STAG2: variants seen among roughly 807,000 people sequenced by gnomAD.
The protein encoded by STAG2 is cohesin subunit SA-2.
Under a neutral mutation model 108.1 loss-of-function variants are expected in STAG2, and 14 were observed. The ratio of observed to expected loss-of-function variants is 0.13; its 90% CI spans 0.09 to 0.20. The LOEUF (loss-of-function observed/expected upper bound fraction) is 0.20, where lower values mean the gene tolerates loss of function less well. STAG2 is among the 10% of genes least tolerant of loss of function. The pLI, the probability that STAG2 is intolerant of heterozygous loss-of-function variation, is 1.00. For missense variants in STAG2, 440 were observed against 940.9 expected (o/e 0.47, Z 6.96); for synonymous variants, 307 against 302.7 (o/e 1.01, Z -0.15).
intron 1 of STAG2, among the ~76,000 whole-genome samples, chrX:124,016,049 G>A (rs1038035219): frequency 8.9e-6 from 1 of 111,993 alleles, no homozygotes; most frequent in Admixed American, 9.5e-5. Context: ...CAGAGTTTTT[G>A]TACATTTAAT....
chrX:124,026,226 C>T lies in STAG2; in HGVS notation c.123+308C>T, dbSNP rs1288712215. On this transcript the variant is annotated intron_variant, in intron 4 of 34. Coordinates refer to ENST00000371145, the MANE Select transcript of STAG2 (RefSeq NM_001042750.2). ...AGTATGTGAAGCAGAATGCAATGTT[C>T]TGTTGGCTTTATTTTTGTTTTCCCA... is the stretch of plus-strand genomic sequence containing the variant. 2.7e-5 allele frequency among the ~76,000 whole-genome samples: 3 copies of T among 109,273 alleles called. No homozygotes were observed. In the Admixed American group the frequency reaches 3.0e-4, roughly 11 times the overall value. 94.9% of individuals were successfully genotyped at this position (109,273 alleles called of 115,157 possible).
intron 1 of STAG2, among the ~76,000 whole-genome samples, chrX:123,998,704 A>G (rs775702325): frequency 9.0e-6 from 1 of 110,518 alleles, no homozygotes; most frequent in Admixed American, 9.8e-5. Context: ...TACTTCCCTA[A>G]TAATTAGTGA....
At chrX:123,966,500 A>G (rs1295571416) in intron 1 of STAG2, among the ~76,000 whole-genome samples, 2 of 110,598 alleles carry the variant, frequency 1.8e-5, no homozygotes, top group Admixed American at 9.7e-5. Context: ...CATTGGCTAC[A>G]TGTTCAGGAC....
At chrX:124,007,482 C>T (rs753324177) in intron 1 of STAG2, among the ~76,000 whole-genome samples, 2 of 110,887 alleles carry the variant, frequency 1.8e-5, no homozygotes, top group Non-Finnish European at 3.8e-5. Flanking sequence ...TCAGAAATTT[C>T]TGTTTCTATG....
At chrX:123,983,974 C>CTTTTCTTTTTTT (rs1168788249) in intron 1 of STAG2, among the ~76,000 whole-genome samples, 8 of 61,462 alleles carry the variant, frequency 1.3e-4, no homozygotes, top group African/African-American at 6.4e-4. Flanking sequence ...CTTTTCTTTT[C>CTTTTCTTTTTTT]TTTTTTTTTT....
intron 1 of STAG2, among the ~76,000 whole-genome samples, chrX:124,018,716 G>A (rs1302329040): frequency 1.8e-5 from 2 of 110,831 alleles, no homozygotes; most frequent in Non-Finnish European, 3.8e-5. Context: ...GTCCAGGCTG[G>A]TCTCGAACTC....
chrX:124,087,518 T>C (rs970808936), intron 30 of STAG2, among the ~76,000 whole-genome samples: 1 of 111,625 alleles, frequency 9.0e-6, no homozygotes, highest in African/African-American at 3.3e-5. Context: ...CACTTACATA[T>C]CTGATGCTGG....
At chrX:124,096,748 GT>G (rs1157935640) in intron 34 of STAG2, among the ~76,000 whole-genome samples, 1 of 112,038 alleles carries the variant, frequency 8.9e-6, no homozygotes, top group African/African-American at 3.2e-5. Context: ...TCAGGTGACG[GT>G]TATACCATCC....
chrX:124,098,980 T>G (rs1301118168), intron 34 of STAG2, among the ~76,000 whole-genome samples: 1 of 112,100 alleles, frequency 8.9e-6, no homozygotes, highest in Non-Finnish European at 1.9e-5. Context: ...ATATTAAATA[T>G]GTTTAAGTAT....
chrX:124,069,989 A>G (rs2058627124), intron 24 of STAG2, among the ~76,000 whole-genome samples: 1 of 111,458 alleles, frequency 9.0e-6, no homozygotes, highest in Non-Finnish European at 1.9e-5. Flanking sequence ...AATAATCCCT[A>G]TTTTTATAGC....
intron 7 of STAG2, among the ~76,000 whole-genome samples, chrX:124,044,375 A>G (rs1603008550): frequency 8.9e-6 from 1 of 111,894 alleles, no homozygotes; most frequent in East Asian, 2.8e-4. Context: ...ATGAGACGCA[A>G]CTGCACTTAC....
At chrX:123,960,984 G>T (rs1018992496), upstream of STAG2, 2 of 112,302 alleles carry the variant, frequency 1.8e-5, no homozygotes, top group African/African-American at 6.5e-5. Context: ...GAGTTGGGAG[G>T]GAAAGAGGTT....
At chrX:124,017,025 T>C (rs746958553) in intron 1 of STAG2, among the ~76,000 whole-genome samples, 1 of 110,768 alleles carries the variant, frequency 9.0e-6, no homozygotes, top group South Asian at 3.8e-4. Flanking sequence ...TTGCCAGCTT[T>C]TAGCAGTTGA....
chrX:123,972,523 G>A (rs1377857434), intron 1 of STAG2, among the ~76,000 whole-genome samples: 1 of 108,566 alleles, frequency 9.2e-6, no homozygotes, highest in African/African-American at 3.3e-5. Flanking sequence ...CGCCCGCCTC[G>A]GCCTCCCAAA....
intron 18 of STAG2, 29 bp from the exon 19 acceptor site, chrX:124,063,087 A>C (rs2058428555): frequency 8.5e-7 from 1 of 1,181,407 alleles, no homozygotes; most frequent in Non-Finnish European, 1.1e-6. Flanking sequence ...TTATTGTGAT[A>C]TTTTTAACGT....
intron 13 of STAG2, 58 bp downstream of exon 13, chrX:124,051,452 A>C (rs895935125): frequency 1.0e-6 from 1 of 970,506 alleles, no homozygotes; most frequent in Non-Finnish European, 1.4e-6. Flanking sequence ...ATAATATATT[A>C]GAGTATTTGG....
intron 1 of STAG2, among the ~76,000 whole-genome samples, chrX:124,010,689 T>C (rs1306893795): frequency 9.0e-6 from 1 of 111,247 alleles, no homozygotes; most frequent in Non-Finnish European, 1.9e-5. Flanking sequence ...ATTTGTTCAG[T>C]GTTGTTTTGT....
intron 1 of STAG2, among the ~76,000 whole-genome samples, chrX:124,005,219 T>C (rs1278948974): frequency 8.9e-6 from 1 of 112,265 alleles, no homozygotes; most frequent in Non-Finnish European, 1.9e-5. Flanking sequence ...TGGTTGAATC[T>C]GAGCATGGGG....
At chrX:124,008,436 C>T (rs904450985) in intron 1 of STAG2, among the ~76,000 whole-genome samples, 33 of 110,698 alleles carry the variant, frequency 3.0e-4, no homozygotes, top group Non-Finnish European at 5.7e-4. Flanking sequence ...TGGTCTCAAA[C>T]TCCCGACCTC....
Sources: allele counts gnomAD v4.1 joint callset (sites outside exome capture counted in the v4.1 genomes callset), GRCh38; gene constraint gnomAD v4.1.1; transcripts MANE v1.5; gene names NCBI Gene and HGNC (gene_info 2026-07-23, HGNC 2026-07-21).